RBFOX1: variants seen among roughly 807,000 people sequenced by gnomAD.
The protein encoded by RBFOX1 is RNA binding protein fox-1 homolog 1.
A neutral mutation model predicts 57.7 loss-of-function variants in RBFOX1; 8 were observed. The ratio of observed to expected loss-of-function variants is 0.14; its 90% CI spans 0.08 to 0.25. The LOEUF (loss-of-function observed/expected upper bound fraction) is 0.25. RBFOX1 is among the 10% of genes least tolerant of loss of function. The probability of loss-of-function intolerance (pLI) is 1.00; values close to 1 mark genes in which losing one functional copy is unlikely to be tolerated. For synonymous variants in RBFOX1, 326 were observed against 222.4 expected (o/e 1.47, Z -4.15); for missense variants, 611 against 548.5 (o/e 1.11, Z -1.14).
intron 4 of RBFOX1, among the ~76,000 whole-genome samples, chr16:7,158,986 C>A (rs1431687601): frequency 6.6e-6 from 1 of 152,082 alleles, no homozygotes; most frequent in Non-Finnish European, 1.5e-5. Flanking sequence ...TCCATCACCA[C>A]AAGGATCCCT....
At chr16:5,929,942 G>A (rs1245564157) in intron 4 of RBFOX1, among the ~76,000 whole-genome samples, 1 of 151,930 alleles carries the variant, frequency 6.6e-6, no homozygotes, top group Non-Finnish European at 1.5e-5. Flanking sequence ...GATGTGCTTT[G>A]AGTGGGGCAC....
At chr16:7,529,567 A>C (rs1164341822) in intron 5 of RBFOX1, among the ~76,000 whole-genome samples, 1 of 152,108 alleles carries the variant, frequency 6.6e-6, no homozygotes, top group African/African-American at 2.4e-5. Flanking sequence ...TTCCACTGCA[A>C]ATGTTTAGAT....
At chr16:7,473,564 G>A (rs1196921866) in intron 4 of RBFOX1, among the ~76,000 whole-genome samples, 1 of 150,840 alleles carries the variant, frequency 6.6e-6, no homozygotes, top group African/African-American at 2.4e-5. Flanking sequence ...TTTAGCGAAA[G>A]CAGTTTGCTT....
In RBFOX1 at chr16:5,492,293, C is replaced by T. The variant is rs537392644; in HGVS notation, c.258+25039C>T. ...CCTGTTTTTCCCAATTCTAAATAAC[C>T]TTTTCAGGCCTATTTATTTAATGCA... On this transcript the variant is annotated intron_variant, in intron 2 of 2. Coordinates refer to the RBFOX1 transcript ENST00000585867. Among the ~76,000 whole-genome samples the T allele has an allele frequency of 3.3e-4, 50 of 152,270 alleles. No individual in the cohort carries two copies. The Middle Eastern group carries it at 0.014, about 41-fold the overall frequency.
intron 3 of RBFOX1, among the ~76,000 whole-genome samples, chr16:6,824,941 G>A (rs2091903852): frequency 7.1e-6 from 1 of 141,798 alleles, no homozygotes; most frequent in African/African-American, 2.6e-5. Context: ...ATGATTAAGT[G>A]CATCCTTCTA....
At chr16:5,983,725 T>A (rs1042961220) in intron 4 of RBFOX1, among the ~76,000 whole-genome samples, 2 of 152,098 alleles carry the variant, frequency 1.3e-5, no homozygotes, top group African/African-American at 4.8e-5. Context: ...GGAATTAGAT[T>A]GGATTTGATT....
intron 2 of RBFOX1, among the ~76,000 whole-genome samples, chr16:5,536,489 G>T (rs1217498055): frequency 6.6e-6 from 1 of 151,974 alleles, no homozygotes; most frequent in Non-Finnish European, 1.5e-5. Flanking sequence ...GTCTGCCTTG[G>T]CCTCCCAAAG....
chr16:7,164,220 C>T (rs1026540518), intron 4 of RBFOX1, among the ~76,000 whole-genome samples: 1 of 152,060 alleles, frequency 6.6e-6, no homozygotes, highest in African/African-American at 2.4e-5. Context: ...ATGATGTTTG[C>T]TTTTCCATTC....
At chr16:5,302,524 G>A (rs1045918054) in intron 1 of RBFOX1, among the ~76,000 whole-genome samples, 1 of 152,162 alleles carries the variant, frequency 6.6e-6, no homozygotes, top group African/African-American at 2.4e-5. Flanking sequence ...CAGTTACTCA[G>A]AATGGAGTGT....
intron 3 of RBFOX1, among the ~76,000 whole-genome samples, chr16:5,835,124 C>A (rs2056417801): frequency 6.6e-6 from 1 of 152,152 alleles, no homozygotes; most frequent in Non-Finnish European, 1.5e-5. Flanking sequence ...ATATAGGACC[C>A]CCCCCAGAAG....
rs779432596 is a variant in RBFOX1, at chr16:6,742,615, CTG to C, written c.-16+87968_-16+87969del. On this transcript the variant is annotated intron_variant, in intron 3 of 15. Coordinates refer to ENST00000550418, the MANE Select transcript of RBFOX1 (RefSeq NM_018723.4). ...TACAGTAGGTGAATGGTTAAAGAAA[CTG>C]TGAGATACCCGTACTGTGAACTACT... 1.6e-3 allele frequency among the ~76,000 whole-genome samples: 246 copies of C among 152,262 alleles called. 1 individual carries two copies. The highest frequency in any genetic ancestry group is 2.7e-3 in the Non-Finnish European group (184 of 68,020).
intron 1 of RBFOX1, among the ~76,000 whole-genome samples, chr16:6,163,507 A>C (rs1333644400): frequency 2.0e-5 from 3 of 152,056 alleles, no homozygotes; most frequent in African/African-American, 7.2e-5. Context: ...TAAATCATGG[A>C]GTTTTTCTTT....
rs574767400 is a variant in RBFOX1 at position 7,090,839 on chromosome 16, C to T, written c.27+38741C>T. ...TGAGGATGTGATCTGAGCTGAGCACCAGGCTACACTTGCCGTAGAATGAAG... is the reference window on the plus strand; with the variant it reads ...TGAGGATGTGATCTGAGCTGAGCACTAGGCTACACTTGCCGTAGAATGAAG... On this transcript the variant is annotated intron_variant, in intron 4 of 15. Transcript: ENST00000550418. Among the ~76,000 whole-genome samples the T allele has an allele frequency of 1.7e-3, 266 of 152,236 alleles. 1 individual carries two copies. The highest frequency in any genetic ancestry group is 4.4e-3 in the South Asian group (21 of 4,826).
chr16:7,258,731 C>G (rs565471355), intron 4 of RBFOX1, among the ~76,000 whole-genome samples: 2 of 152,188 alleles, frequency 1.3e-5, no homozygotes, highest in African/African-American at 4.8e-5. Context: ...TCTCATTTGT[C>G]TCCCCATTAC....
At chr16:6,911,116 G>A (rs563867707) in intron 3 of RBFOX1, among the ~76,000 whole-genome samples, 80 of 151,658 alleles carry the variant, frequency 5.3e-4, no homozygotes, top group African/African-American at 1.9e-3. Flanking sequence ...CAGGACAATC[G>A]CTGGAACCTG....
At chr16:7,462,756 G>C (rs566232384) in intron 4 of RBFOX1, among the ~76,000 whole-genome samples, 2 of 152,222 alleles carry the variant, frequency 1.3e-5, no homozygotes, top group Non-Finnish European at 2.9e-5. Context: ...CAGGGAGATA[G>C]CCCTGGCCTT....
intron 1 of RBFOX1, among the ~76,000 whole-genome samples, chr16:5,431,124 G>T (rs768463719): frequency 2.6e-5 from 4 of 152,174 alleles, no homozygotes; most frequent in Non-Finnish European, 5.9e-5. Flanking sequence ...GTGTAAGTCC[G>T]CAGTCACCCT....
chr16:6,939,013 T>A (rs2153492475), intron 3 of RBFOX1, among the ~76,000 whole-genome samples: 1 of 152,250 alleles, frequency 6.6e-6, no homozygotes, highest in African/African-American at 2.4e-5. Flanking sequence ...TCACTTTCCT[T>A]AGAGATCTGC....
chr16:5,444,754 G>A (rs2068190451), intron 1 of RBFOX1, among the ~76,000 whole-genome samples: 1 of 152,198 alleles, frequency 6.6e-6, no homozygotes, highest in Non-Finnish European at 1.5e-5. Context: ...CTGTGTGCCA[G>A]GCACTGTATT....
Sources: gnomAD v4.1 joint callset for allele counts (sites outside exome capture counted in the v4.1 genomes callset) on GRCh38, gnomAD v4.1.1 for gene constraint, MANE v1.5 for transcripts, NCBI Gene and HGNC (gene_info 2026-07-23, HGNC 2026-07-21) for gene names.